PXK: variants seen among roughly 807,000 people sequenced by gnomAD.
PXK encodes PX domain containing serine/threonine kinase like.
PXK carries 35 observed loss-of-function variants against 84.7 expected under a neutral mutation model. That is an observed-to-expected ratio of 0.41 (90% confidence interval 0.32 to 0.55). The LOEUF is 0.55. PXK is among the 20% of genes least tolerant of loss of function. The pLI is 0.21. For synonymous variants in PXK, 253 were observed against 260.8 expected (o/e 0.97, Z 0.29); for missense variants, 634 against 699.7 (o/e 0.91, Z 1.06).
At chr3:58,391,741 C>G in intron 6 of PXK, 32 bp from the exon 7 acceptor site, 2 of 1,580,550 alleles carry the variant, frequency 1.3e-6, no homozygotes, top group Non-Finnish European at 1.7e-6. Flanking sequence ...GTGACCAAAA[C>G]AGTACCCTGA....
rs2098545788 is a variant in PXK at position 58,385,758 on chromosome 3, CAAAGTGCTGG to C, written c.388+3059_388+3068del. Among the ~76,000 whole-genome samples the C allele has an allele frequency of 6.6e-6, 1 of 152,160 alleles. No homozygotes were observed. Among genetic ancestry groups the C allele is most frequent in the Admixed American group, 6.5e-5 (1 of 15,280 alleles). ...AAATGATCTGCCCACCTCAGCCTCC[CAAAGTGCTGG>C]GATTACAGGCATGAGCCACTGTGCC... On this transcript the variant is annotated intron_variant, in intron 4 of 17. Transcript: ENST00000356151. The surrounding 1 kb of genome is among the most constrained non-coding windows in gnomAD (Gnocchi z 5.1).
At chr3:58,336,920 C>A (rs1170597276) in intron 1 of PXK, among the ~76,000 whole-genome samples, 2 of 152,158 alleles carry the variant, frequency 1.3e-5, no homozygotes, top group Non-Finnish European at 2.9e-5. Flanking sequence ...AGCGATTCTT[C>A]TGCCTCAGCC....
intron 1 of PXK, among the ~76,000 whole-genome samples, chr3:58,363,701 A>G (rs540061101): frequency 7.2e-5 from 11 of 152,198 alleles, no homozygotes; most frequent in South Asian, 6.2e-4. Context: ...AAAAATACGA[A>G]CAGTTTTATT....
At chr3:58,356,512 T>A (rs909167389) in intron 1 of PXK, among the ~76,000 whole-genome samples, 2 of 152,148 alleles carry the variant, frequency 1.3e-5, no homozygotes, top group Non-Finnish European at 2.9e-5. Context: ...AGGCCTGACT[T>A]CAAATGTCGA....
chr3:58,361,142 C>T (rs1429223646), intron 1 of PXK, among the ~76,000 whole-genome samples: 1 of 151,430 alleles, frequency 6.6e-6, no homozygotes, highest in African/African-American at 2.4e-5. Flanking sequence ...ACTAAAAATA[C>T]AAAAATTAGC....
At chr3:58,394,788 C>T (rs546674017) in intron 7 of PXK, among the ~76,000 whole-genome samples, 5 of 152,286 alleles carry the variant, frequency 3.3e-5, no homozygotes, top group African/African-American at 1.2e-4. Context: ...TCCTTTGTTC[C>T]TACAGTTTAT....
intron 13 of PXK, among the ~76,000 whole-genome samples, chr3:58,408,211 T>C (rs2059674730): frequency 6.6e-6 from 1 of 152,224 alleles, no homozygotes; most frequent in Non-Finnish European, 1.5e-5. Flanking sequence ...GGGCTCTCTC[T>C]TCTTCTTTTC....
intron 1 of PXK, among the ~76,000 whole-genome samples, chr3:58,348,474 G>C (rs2097860009): frequency 6.6e-6 from 1 of 152,166 alleles, no homozygotes; most frequent in Non-Finnish European, 1.5e-5. Flanking sequence ...TCCAATGGAA[G>C]TATAATGCTA....
In PXK at chr3:58,390,517, A is replaced by G. The variant is rs1000950581; in HGVS notation, c.389-65A>G. ...TATAGGGATTTCATTTACAAGAATA[A>G]TATCTTCAGCATATGGCCCTTTCCT... On this transcript the variant is annotated intron_variant, in intron 4 of 17. Coordinates refer to ENST00000356151, the MANE Select transcript of PXK (RefSeq NM_017771.5). The surrounding 1 kb of genome is among the most constrained non-coding windows in gnomAD (Gnocchi z 4.2). 10 of 1,211,716 alleles carry G rather than the reference A, an allele frequency of 8.3e-6. No homozygotes were observed. The African/African-American group carries it at 1.1e-4, about 13-fold the overall frequency. The allele number at this position is 1,211,716 out of a possible 1,614,324, so 75.1% of individuals were successfully genotyped here.
intron 3 of PXK, among the ~76,000 whole-genome samples, chr3:58,372,512 CGGGGTTTCACCGTGT>C (rs2098389676): frequency 6.6e-6 from 1 of 151,278 alleles, no homozygotes; most frequent in Non-Finnish European, 1.5e-5. Flanking sequence ...TTAGTAGAGA[CGGGGTTTCACCGTGT>C]TAGCCAGGAT....
chr3:58,373,364 A>C (rs777870671), intron 3 of PXK, among the ~76,000 whole-genome samples: 6 of 152,076 alleles, frequency 3.9e-5, no homozygotes, highest in Admixed American at 3.3e-4. Context: ...CGTGAGCCAC[A>C]GCGCCTGGCC....
rs970750972 is a variant in PXK, at chr3:58,333,899, A to G, written c.102+809A>G. On this transcript the variant is annotated intron_variant, in intron 1 of 17. Transcript: ENST00000356151. The surrounding 1 kb of genome is among the most constrained non-coding windows in gnomAD (Gnocchi z 5.4). ...ACCTTTTTTTTTTTTTGAAAGGCCC[A>G]CTATGCATTATAATTTCCAAGCAAT... Among the ~76,000 whole-genome samples the G allele has an allele frequency of 6.7e-6, 1 of 148,734 alleles. No individual in the cohort carries two copies. Among genetic ancestry groups the G allele is most frequent in the African/African-American group, 2.5e-5 (1 of 40,240 alleles).
At position 58,421,900 on chromosome 3, in the gene PXK, A is replaced by AT. The variant is rs1491415315; in HGVS notation, c.1529-2851dup. On this transcript the variant is annotated intron_variant, in intron 17 of 17. Transcript: ENST00000356151. The surrounding 1 kb of genome is among the most constrained non-coding windows in gnomAD (Gnocchi z 5.5). ...CTTCCTGGGTGCAAATTCAGGTATCATAAGTCTAACATGGAATCGGTCTGC... is the reference window on the plus strand; with the variant it reads ...CTTCCTGGGTGCAAATTCAGGTATCATTAAGTCTAACATGGAATCGGTCTGC... The AT allele has an allele frequency of 1.5e-5, 15 of 985,308 alleles. No homozygotes were observed. The highest frequency in any genetic ancestry group is 1.2e-4 in the African/African-American group (7 of 57,250). The allele number at this position is 985,308 out of a possible 1,614,324, so 61.0% of individuals were successfully genotyped here. A position where few individuals can be genotyped will look rare whatever the true frequency, so the allele number is the denominator to read the frequency against.
chr3:58,335,442 G>C (rs182883030), intron 1 of PXK, among the ~76,000 whole-genome samples: 1 of 152,304 alleles, frequency 6.6e-6, no homozygotes, highest in African/African-American at 2.4e-5. Flanking sequence ...TGGACTGTTA[G>C]TGTCTTATGA....
intron 17 of PXK, chr3:58,413,243 C>G: frequency 2.0e-6 from 1 of 498,638 alleles, no homozygotes; most frequent in South Asian, 2.1e-5. Flanking sequence ...CAGAGCTTCT[C>G]AGATTGGAGC....
intron 3 of PXK, among the ~76,000 whole-genome samples, chr3:58,377,943 G>C (rs1460156710): frequency 6.6e-6 from 1 of 152,172 alleles, no homozygotes; most frequent in Non-Finnish European, 1.5e-5. Flanking sequence ...GCAGTACCAG[G>C]TGCTGCCCCC....
intron 17 of PXK, chr3:58,422,316 C>T (rs1361453686): frequency 2.0e-6 from 2 of 985,278 alleles, no homozygotes; most frequent in African/African-American, 3.5e-5. Flanking sequence ...GTCTGGCCTT[C>T]CTTGCCCTGG....
intron 17 of PXK, chr3:58,422,337 G>A (rs2062020190): frequency 1.0e-6 from 1 of 985,158 alleles, no homozygotes; most frequent in South Asian, 4.7e-5. Flanking sequence ...TTGTACATAA[G>A]AGCCACCATG....
chr3:58,362,372 T>C (rs1398977142), intron 1 of PXK, among the ~76,000 whole-genome samples: 4 of 152,208 alleles, frequency 2.6e-5, no homozygotes, highest in Non-Finnish European at 5.9e-5. Flanking sequence ...GGTAGTACAA[T>C]GTGTGAATAC....
Sources: gnomAD v4.1 joint callset for allele counts (sites outside exome capture counted in the v4.1 genomes callset) on GRCh38, gnomAD v4.1.1 for gene constraint, Gnocchi (gnomAD v3.1) non-coding constraint, MANE v1.5 for transcripts, NCBI Gene and HGNC (gene_info 2026-07-23, HGNC 2026-07-21) for gene names.